HS3ST4: variants seen among roughly 807,000 people sequenced by gnomAD.
HS3ST4 encodes the protein heparan sulfate glucosamine 3-O-sulfotransferase 4.
Under a neutral mutation model 29.2 loss-of-function variants are expected in HS3ST4, and 17 were observed. That is an observed-to-expected ratio of 0.58 (90% CI 0.40 to 0.87). HS3ST4 has a LOEUF of 0.87. Among genes scored for constraint, HS3ST4 ranks in the 40% least tolerant of loss-of-function variants. The pLI is 0.00. For synonymous variants in HS3ST4, 314 were observed against 285.7 expected (o/e 1.10, Z -1.00); for missense variants, 627 against 634.5 (o/e 0.99, Z 0.13).
intron 1 of HS3ST4, among the ~76,000 whole-genome samples, chr16:25,753,270 T>G (rs1187675661): frequency 6.6e-6 from 1 of 152,262 alleles, no homozygotes; most frequent in Non-Finnish European, 1.5e-5. Context: ...TAATTCATCA[T>G]TCATGACGTT....
intron 1 of HS3ST4, among the ~76,000 whole-genome samples, chr16:26,082,800 A>G (rs1460812478): frequency 6.6e-6 from 1 of 152,194 alleles, no homozygotes; most frequent in Non-Finnish European, 1.5e-5. Context: ...TGCCAACTTC[A>G]TGGAGCAACC....
intron 1 of HS3ST4, among the ~76,000 whole-genome samples, chr16:26,119,711 T>C (rs1345478889): frequency 6.6e-6 from 1 of 152,220 alleles, no homozygotes; most frequent in Non-Finnish European, 1.5e-5. Context: ...CTGCTTTTCA[T>C]TATTTCTTCC....
intron 1 of HS3ST4, among the ~76,000 whole-genome samples, chr16:25,728,315 A>G (rs115601322): frequency 1.2e-3 from 184 of 152,154 alleles, no homozygotes; most frequent in African/African-American, 4.2e-3. Flanking sequence ...TTTTTCAGTA[A>G]GTTTATTATA....
At position 26,067,023 on chromosome 16, in the gene HS3ST4, A is replaced by G. The variant is rs559721199; in HGVS notation, c.735-68589A>G. ...AGGACTCCCAGGAGCTAGATCAGGT[A>G]GGAAAGTCCTTGTAAGTGCATGGGA... is the stretch of plus-strand genomic sequence containing the variant. On this transcript the variant is annotated intron_variant, in intron 1 of 1. Coordinates refer to ENST00000331351, the MANE Select transcript of HS3ST4 (RefSeq NM_006040.3). 1.1e-4 allele frequency among the ~76,000 whole-genome samples: 16 copies of G among 152,308 alleles called. No individual in the cohort carries two copies. In the East Asian group the frequency reaches 2.1e-3, roughly 20 times the overall value.
chr16:25,783,702 T>C (rs913507421), intron 1 of HS3ST4, among the ~76,000 whole-genome samples: 5 of 152,232 alleles, frequency 3.3e-5, no homozygotes, highest in Admixed American at 2.0e-4. Context: ...TGGTAAAATA[T>C]ACAAAACATT....
intron 1 of HS3ST4, among the ~76,000 whole-genome samples, chr16:25,920,472 C>T (rs964834921): frequency 4.6e-5 from 7 of 152,190 alleles, no homozygotes; most frequent in African/African-American, 1.7e-4. Flanking sequence ...ATACACTGGT[C>T]TCCTTGCTGT....
At chr16:25,964,605 A>T (rs986839921) in intron 1 of HS3ST4, among the ~76,000 whole-genome samples, 5 of 152,186 alleles carry the variant, frequency 3.3e-5, no homozygotes, top group Admixed American at 2.6e-4. Context: ...CTAGGAAATG[A>T]TGGAGCTGGG....
At chr16:25,894,353 A>G (rs754772763) in intron 1 of HS3ST4, among the ~76,000 whole-genome samples, 1 of 152,170 alleles carries the variant, frequency 6.6e-6, no homozygotes, top group Non-Finnish European at 1.5e-5. Context: ...ACTAGTCAAT[A>G]AATCATTGAT....
chr16:26,091,599 G>A (rs1898858189), intron 1 of HS3ST4, among the ~76,000 whole-genome samples: 1 of 152,190 alleles, frequency 6.6e-6, no homozygotes, highest in South Asian at 2.1e-4. Context: ...CTGGGCAAAG[G>A]GTAAACTGAA....
At chr16:26,034,467 TG>T (rs1381432679) in intron 1 of HS3ST4, among the ~76,000 whole-genome samples, 1 of 152,226 alleles carries the variant, frequency 6.6e-6, no homozygotes, top group Non-Finnish European at 1.5e-5. Flanking sequence ...TCTTATGCTA[TG>T]TGCCATACAG....
At chr16:25,996,146 C>T (rs138811665) in intron 1 of HS3ST4, among the ~76,000 whole-genome samples, 1 of 152,200 alleles carries the variant, frequency 6.6e-6, no homozygotes, top group Non-Finnish European at 1.5e-5. Flanking sequence ...ACCAAAGCAC[C>T]TTCTAATTGT....
intron 1 of HS3ST4, among the ~76,000 whole-genome samples, chr16:26,017,441 A>T (rs368131732): frequency 8.3e-4 from 127 of 152,348 alleles, no homozygotes; most frequent in African/African-American, 3.0e-3. Context: ...AATACATTAC[A>T]TGAAAGCAAT....
intron 1 of HS3ST4, among the ~76,000 whole-genome samples, chr16:26,074,943 C>T (rs1447290078): frequency 6.6e-6 from 1 of 152,172 alleles, no homozygotes; most frequent in Admixed American, 6.5e-5. Context: ...GCCTGTAATC[C>T]CAGCACTTTG....
intron 1 of HS3ST4, among the ~76,000 whole-genome samples, chr16:25,815,742 T>C (rs539053125): frequency 6.6e-6 from 1 of 152,184 alleles, no homozygotes. Context: ...AGCTTCATGG[T>C]CAACTTTTGC....
At chr16:25,803,880 G>T (rs1966964552) in intron 1 of HS3ST4, among the ~76,000 whole-genome samples, 1 of 152,060 alleles carries the variant, frequency 6.6e-6, no homozygotes, top group Non-Finnish European at 1.5e-5. Flanking sequence ...GTCTAGAAGT[G>T]CTTTATTTTC....
chr16:26,110,707 A>T (rs2141802940), intron 1 of HS3ST4, among the ~76,000 whole-genome samples: 1 of 152,254 alleles, frequency 6.6e-6, no homozygotes, highest in East Asian at 1.9e-4. Flanking sequence ...TGGAAATTGT[A>T]ATTCAGATCA....
At chr16:25,987,022 G>A (rs940022197) in intron 1 of HS3ST4, among the ~76,000 whole-genome samples, 7 of 152,222 alleles carry the variant, frequency 4.6e-5, no homozygotes, top group African/African-American at 1.7e-4. Flanking sequence ...ATTGATGGAT[G>A]TCTGGGCCCA....
intron 1 of HS3ST4, among the ~76,000 whole-genome samples, chr16:25,730,098 A>G (rs1296035606): frequency 6.6e-6 from 1 of 152,208 alleles, no homozygotes; most frequent in Non-Finnish European, 1.5e-5. Context: ...TTACTTCTCA[A>G]AGGTGTACTG....
intron 1 of HS3ST4, among the ~76,000 whole-genome samples, chr16:25,818,061 A>G (rs1031958727): frequency 1.3e-5 from 2 of 152,228 alleles, no homozygotes. Flanking sequence ...TTTCTTCACC[A>G]GTAAATACAG....
Sources: allele counts gnomAD v4.1 joint callset (sites outside exome capture counted in the v4.1 genomes callset), GRCh38; gene constraint gnomAD v4.1.1; transcripts MANE v1.5; gene names NCBI Gene and HGNC (gene_info 2026-07-23, HGNC 2026-07-21).